The following MAGI1 variants were observed in gnomAD, a reference collection of about 807,000 sequenced individuals.
MAGI1 encodes membrane associated guanylate kinase, WW and PDZ domain containing 1, also known as membrane-associated guanylate kinase, WW and PDZ domain-containing protein 1.
A neutral mutation model predicts 139.9 loss-of-function variants in MAGI1; 58 were observed. That is an observed-to-expected ratio of 0.41 (90% CI 0.34 to 0.52). MAGI1 has a LOEUF of 0.52. MAGI1 is among the 20% of genes least tolerant of loss of function. The pLI is 0.12. For missense variants in MAGI1, 1,874 were observed against 1,901.6 expected (o/e 0.99, Z 0.27); for synonymous variants, 812 against 737.9 (o/e 1.10, Z -1.63).
At chr3:65,718,621 T>A (rs1034778954) in intron 1 of MAGI1, 1 of 152,170 alleles carries the variant, frequency 6.6e-6, no homozygotes, top group Non-Finnish European at 1.5e-5. Flanking sequence ...TAGCCTGTGA[T>A]GAAAGATGAC....
intron 1 of MAGI1, among the ~76,000 whole-genome samples, chr3:65,866,211 A>AT (rs2059719282): frequency 7.1e-6 from 1 of 141,142 alleles, no homozygotes; most frequent in African/African-American, 2.8e-5. Flanking sequence ...GCTGTTTTCA[A>AT]TTTTTTTCTT....
intron 1 of MAGI1, among the ~76,000 whole-genome samples, chr3:65,766,427 C>T (rs575719582): frequency 6.6e-6 from 1 of 152,092 alleles, no homozygotes; most frequent in African/African-American, 2.4e-5. Flanking sequence ...AATAGAAATT[C>T]GAAACTACGT....
chr3:65,696,748 A>T (rs1160867252), intron 1 of MAGI1, among the ~76,000 whole-genome samples: 1 of 152,180 alleles, frequency 6.6e-6, no homozygotes, highest in Non-Finnish European at 1.5e-5. Flanking sequence ...GCATACATAT[A>T]ATAAAGAAAC....
At chr3:65,948,115 T>C (rs796685113) in intron 1 of MAGI1, among the ~76,000 whole-genome samples, 1 of 151,990 alleles carries the variant, frequency 6.6e-6, no homozygotes, top group African/African-American at 2.4e-5. Context: ...CTAATTTTTT[T>C]GTATTTTTAG....
At chr3:65,420,934 T>A (rs2107275005) in intron 12 of MAGI1, among the ~76,000 whole-genome samples, 1 of 152,228 alleles carries the variant, frequency 6.6e-6, no homozygotes, top group South Asian at 2.1e-4. Flanking sequence ...GAAATAAAAC[T>A]CAAATCATCC....
rs535525147 is a variant in MAGI1 at position 65,762,699 on chromosome 3, T to C, written c.314-140611A>G. 1.1e-4 allele frequency among the ~76,000 whole-genome samples: 15 copies of C among 130,956 alleles called. No individual in the cohort carries two copies. The East Asian group carries it at 3.1e-3, about 27-fold the overall frequency. 85.9% of individuals were successfully genotyped at this position (130,956 alleles called of 152,430 possible). Reference sequence around the variant, plus strand: ...ATAGGTTAGGCACTCTGCTAAGTCCTCTACATGATTTTCTCATTGAATTCT... The same window carrying C: ...ATAGGTTAGGCACTCTGCTAAGTCCCCTACATGATTTTCTCATTGAATTCT... On this transcript the variant is annotated intron_variant, in intron 1 of 22. Coordinates refer to ENST00000402939, the MANE Select transcript of MAGI1 (RefSeq NM_001033057.2).
At chr3:65,638,397 C>A (rs560280175) in intron 1 of MAGI1, among the ~76,000 whole-genome samples, 1 of 151,922 alleles carries the variant, frequency 6.6e-6, no homozygotes, top group East Asian at 1.9e-4. Context: ...ATGAGTTAAA[C>A]AAGCCAGCCT....
Position 65,429,578 on chromosome 3 carries a change from C to T in MAGI1, c.2109G>A (p.Val703=), listed in dbSNP as rs61754217. The change falls in exon 12 of 23, where the codon GTG becomes GTA. Residue 703 remains valine (V), a synonymous_variant. Transcript: ENST00000402939. ...CCTTAGGACACTCAACCAGCATATC[C>T]ACCACTTGGTTGTGAGTTAGGGCCT... is the stretch of plus-strand genomic sequence containing the variant. ...NVQALTHNQV[V]DMLVECPKGS... 12,957 of 1,613,890 alleles carry T rather than the reference C, an allele frequency of 8.0e-3. 74 individuals are homozygous for T. Among genetic ancestry groups the T allele is most frequent in the Non-Finnish European group, 9.6e-3 (11,271 of 1,179,882 alleles).
At chr3:65,853,900 T>C (rs1248258138) in intron 1 of MAGI1, among the ~76,000 whole-genome samples, 1 of 151,788 alleles carries the variant, frequency 6.6e-6, no homozygotes, top group African/African-American at 2.4e-5. Flanking sequence ...AGGTTGGGAG[T>C]TGGAGACTAG....
intron 5 of MAGI1, among the ~76,000 whole-genome samples, chr3:65,466,864 C>T (rs1950206657): frequency 6.6e-6 from 1 of 152,248 alleles, no homozygotes; most frequent in Non-Finnish European, 1.5e-5. Flanking sequence ...CACAGCCTGT[C>T]AAGCTTCTAC....
chr3:65,526,952 A>C (rs1231532703), intron 2 of MAGI1, among the ~76,000 whole-genome samples: 1 of 152,208 alleles, frequency 6.6e-6, no homozygotes, highest in Non-Finnish European at 1.5e-5. Flanking sequence ...AAAGAATATT[A>C]AGTCCTTAAT....
chr3:65,399,227 T>C (rs1944658034), intron 13 of MAGI1, among the ~76,000 whole-genome samples: 1 of 152,150 alleles, frequency 6.6e-6, no homozygotes, highest in African/African-American at 2.4e-5. Context: ...ACCTTATGTG[T>C]CATTACTTGA....
chr3:65,626,391 C>T (rs1262898377), intron 1 of MAGI1, among the ~76,000 whole-genome samples: 2 of 152,268 alleles, frequency 1.3e-5, no homozygotes, highest in Admixed American at 6.5e-5. Context: ...TTGGTGTGAT[C>T]ATGGCTCACA....
Position 65,648,205 on chromosome 3 carries a change from C to T in MAGI1, c.314-26117G>A, listed in dbSNP as rs115271257. ...TGTCACCTAGGCTGAAGTGCAGTGG[C>T]ACTATCACAGCTCACTGAAGCCTCA... On this transcript the variant is annotated intron_variant, in intron 1 of 22. Coordinates refer to ENST00000402939, the MANE Select transcript of MAGI1 (RefSeq NM_001033057.2). Among the ~76,000 whole-genome samples, 549 of 151,616 alleles carry T rather than the reference C, an allele frequency of 3.6e-3. 6 individuals carry two copies. The highest frequency in any genetic ancestry group is 0.013 in the African/African-American group (529 of 41,290).
chr3:65,416,165 CATAG>C (rs1946203433), intron 12 of MAGI1, among the ~76,000 whole-genome samples: 1 of 152,136 alleles, frequency 6.6e-6, no homozygotes, highest in African/African-American at 2.4e-5. Flanking sequence ...CTTTTTAAAA[CATAG>C]CTTTTACACA....
At chr3:65,666,697 C>G (rs1396154420) in intron 1 of MAGI1, among the ~76,000 whole-genome samples, 2 of 152,102 alleles carry the variant, frequency 1.3e-5, no homozygotes, top group Non-Finnish European at 2.9e-5. Context: ...ATTTTATTAT[C>G]CTGCTGGTGG....
At chr3:65,484,910 C>G (rs569162431) in intron 3 of MAGI1, among the ~76,000 whole-genome samples, 1 of 152,294 alleles carries the variant, frequency 6.6e-6, no homozygotes, top group East Asian at 1.9e-4. Context: ...TTAATCAGTA[C>G]CTGTCTTCAC....
At chr3:65,568,183 G>C (rs1336434943) in intron 2 of MAGI1, among the ~76,000 whole-genome samples, 1 of 152,178 alleles carries the variant, frequency 6.6e-6, no homozygotes, top group Admixed American at 6.5e-5. Context: ...ATCTGGGTAA[G>C]GAGCAGGCAA....
At chr3:65,470,680 T>C (rs145334586) in intron 4 of MAGI1, among the ~76,000 whole-genome samples, 196 bp from the exon 5 acceptor site, 34 of 152,306 alleles carry the variant, frequency 2.2e-4, no homozygotes, top group Admixed American at 1.0e-3. Flanking sequence ...TTAGAAAGCA[T>C]CGAAATGATC....
Sources: gnomAD v4.1 joint callset for allele counts (sites outside exome capture counted in the v4.1 genomes callset) on GRCh38, gnomAD v4.1.1 for gene constraint, MANE v1.5 for transcripts, NCBI Gene and HGNC (gene_info 2026-07-23, HGNC 2026-07-21) for gene names.